The following CSMD1 variants were observed in gnomAD, a reference collection of about 807,000 sequenced individuals.
The protein encoded by CSMD1 is CUB and Sushi multiple domains 1, also known as CUB and sushi domain-containing protein 1.
In CSMD1, 213 loss-of-function variants were observed where a neutral mutation model predicts 417.5. That is an observed-to-expected ratio of 0.51 (90% confidence interval 0.46 to 0.57). The LOEUF (loss-of-function observed/expected upper bound fraction) is 0.57, where lower values mean the gene tolerates loss of function less well. Ranked by LOEUF, CSMD1 falls within the 20% of genes least tolerant of loss-of-function variation. CSMD1 has a pLI of 0.00. For synonymous variants in CSMD1, 2,862 were observed against 1,736.8 expected (o/e 1.65, Z -16.11); for missense variants, 6,923 against 4,529.7 (o/e 1.53, Z -15.17).
At chr8:4,940,307 C>G (rs1350651345) in intron 1 of CSMD1, among the ~76,000 whole-genome samples, 1 of 152,154 alleles carries the variant, frequency 6.6e-6, no homozygotes, top group Admixed American at 6.5e-5. Context: ...GATATGGCTT[C>G]AATCTGAATT....
At chr8:3,697,224 AT>A (rs1800603309) in intron 7 of CSMD1, among the ~76,000 whole-genome samples, 1 of 152,220 alleles carries the variant, frequency 6.6e-6, no homozygotes. Context: ...TCTCCAGAAA[AT>A]GGTAGTCAGT....
chr8:3,047,213 C>CAAAAAA (rs749861179), intron 50 of CSMD1, among the ~76,000 whole-genome samples: 2 of 73,094 alleles, frequency 2.7e-5, no homozygotes, highest in African/African-American at 6.9e-5. Flanking sequence ...GACTCCCTCT[C>CAAAAAA]AAAAAAAAAA....
chr8:4,040,658 A>G (rs1046035523), intron 3 of CSMD1, among the ~76,000 whole-genome samples: 2 of 152,138 alleles, frequency 1.3e-5, no homozygotes, highest in African/African-American at 2.4e-5. Context: ...ACCATAACAT[A>G]GTTTTAAAAA....
intron 3 of CSMD1, among the ~76,000 whole-genome samples, chr8:4,397,341 T>C (rs947762881): frequency 3.9e-5 from 6 of 152,176 alleles, no homozygotes; most frequent in African/African-American, 1.4e-4. Flanking sequence ...GAAGATTATC[T>C]TTCCATGAAA....
In CSMD1 at chr8:2,963,286, A is replaced by C. The variant is rs1339401644; in HGVS notation, c.9390T>G (p.Ser3130=). 6.8e-6 allele frequency: 11 copies of C among 1,613,956 alleles called. No homozygotes were observed. The highest frequency in any genetic ancestry group is 8.5e-6 in the Non-Finnish European group (10 of 1,179,874). ...CTTCACAGGAGAGGATGGCGGAGTG[A>C]GAGAGCTGGTAACCGTCCATGCAGC... is the stretch of plus-strand genomic sequence containing the variant. ...SYSCMDGYQL[S]HSAILSCEGR... is the part of the protein sequence containing the mutation. The change falls in exon 60 of 70, where the codon TCT becomes TCG. Residue 3130 remains serine (S), a synonymous_variant. Coordinates refer to ENST00000635120, the MANE Select transcript of CSMD1 (RefSeq NM_033225.6).
chr8:3,572,272 C>G (rs548171198), intron 10 of CSMD1, among the ~76,000 whole-genome samples: 35 of 152,294 alleles, frequency 2.3e-4, no homozygotes, highest in African/African-American at 7.5e-4. Context: ...GCTTTGCAAA[C>G]TCTGAGGGCA....
chr8:4,412,197 G>C (rs1486995468), intron 3 of CSMD1, among the ~76,000 whole-genome samples: 1 of 152,144 alleles, frequency 6.6e-6, no homozygotes, highest in Non-Finnish European at 1.5e-5. Flanking sequence ...CAAACCTCAT[G>C]TTAAATTGTA....
rs183242594 is a variant in CSMD1 at position 4,442,544 on chromosome 8, C to T, written c.303-22479G>A. 4.6e-3 allele frequency among the ~76,000 whole-genome samples: 703 copies of T among 152,244 alleles called. 2 individuals are homozygous for T. Among genetic ancestry groups the T allele is most frequent in the Admixed American group, 8.7e-3 (133 of 15,284 alleles). On this transcript the variant is annotated intron_variant, in intron 2 of 69. Transcript: ENST00000635120. The stretch of plus-strand genomic sequence containing the variant: ...CTGTTTACCTGAAGAACCTCTCAAA[C>T]CATATGCAACTAAAGAGATTTTATC...
chr8:4,323,809 G>A (rs1213679078), intron 3 of CSMD1, among the ~76,000 whole-genome samples: 1 of 152,140 alleles, frequency 6.6e-6, no homozygotes, highest in East Asian at 1.9e-4. Context: ...CATAAAGGAT[G>A]GGCAGCTCCT....
chr8:4,073,141 A>G (rs73187995), intron 3 of CSMD1, among the ~76,000 whole-genome samples: 16,716 of 152,194 alleles, frequency 0.11, 1,035 homozygotes, highest in Middle Eastern at 0.18. Flanking sequence ...AGAACATGAA[A>G]ACTTTTGTGA....
chr8:3,667,189 G>C (rs559987279), intron 7 of CSMD1, among the ~76,000 whole-genome samples: 92 of 152,148 alleles, frequency 6.0e-4, no homozygotes, highest in Non-Finnish European at 1.0e-3. Context: ...TAAGACAAAT[G>C]TGCAAACATT....
chr8:4,295,298 TTATC>T (rs529619929), intron 3 of CSMD1, among the ~76,000 whole-genome samples: 3 of 108,422 alleles, frequency 2.8e-5, no homozygotes, highest in East Asian at 2.5e-4. Flanking sequence ...AATCTTAAGA[TTATC>T]TATATAATCT....
intron 33 of CSMD1, among the ~76,000 whole-genome samples, chr8:3,190,996 T>G (rs139961151): frequency 1.3e-5 from 2 of 152,286 alleles, no homozygotes; most frequent in South Asian, 2.1e-4. Flanking sequence ...AACTGTTGAG[T>G]GGCTATAAAG....
At chr8:4,459,581 G>C (rs1309395521) in intron 2 of CSMD1, among the ~76,000 whole-genome samples, 2 of 152,212 alleles carry the variant, frequency 1.3e-5, no homozygotes, top group African/African-American at 4.8e-5. Flanking sequence ...CCATGGAATG[G>C]CTAGTCTAAG....
intron 1 of CSMD1, among the ~76,000 whole-genome samples, chr8:4,757,937 G>A (rs1189461831): frequency 7.2e-6 from 1 of 139,810 alleles, no homozygotes; most frequent in Non-Finnish European, 1.5e-5. Context: ...TCCATCCTGG[G>A]CAACAGAGAG....
chr8:3,661,588 C>T (rs1387047091), intron 7 of CSMD1, among the ~76,000 whole-genome samples: 1 of 152,154 alleles, frequency 6.6e-6, no homozygotes, highest in Non-Finnish European at 1.5e-5. Context: ...CCTCCACCTC[C>T]CGGGTTCAAG....
intron 10 of CSMD1, among the ~76,000 whole-genome samples, chr8:3,564,578 A>G (rs1799618011): frequency 6.9e-6 from 1 of 145,784 alleles, no homozygotes; most frequent in African/African-American, 2.5e-5. Context: ...GCAAATCAAA[A>G]GCATGGCCCT....
In CSMD1 at chr8:3,339,675, C is replaced by T. The variant is rs544354751; in HGVS notation, c.3631+3619G>A. Among the ~76,000 whole-genome samples the T allele has an allele frequency of 5.0e-4, 76 of 152,326 alleles. 1 individual carries two copies. The highest frequency in any genetic ancestry group is 4.1e-4 in the South Asian group (2 of 4,828). On this transcript the variant is annotated intron_variant, in intron 23 of 69. Transcript: ENST00000635120. Reference sequence around the variant, plus strand: ...TTCAGGTGAAACTCTTACTTCTTGCCTGATACAGCTCTGTGGACCCTCAGT... The same window carrying T: ...TTCAGGTGAAACTCTTACTTCTTGCTTGATACAGCTCTGTGGACCCTCAGT...
intron 1 of CSMD1, among the ~76,000 whole-genome samples, chr8:4,704,013 G>A (rs923248136): frequency 3.9e-5 from 6 of 152,136 alleles, no homozygotes; most frequent in Non-Finnish European, 8.8e-5. Flanking sequence ...TGCCGATGCC[G>A]ATGTGAGACG....
Sources: gnomAD v4.1 joint callset for allele counts (sites outside exome capture counted in the v4.1 genomes callset) on GRCh38, gnomAD v4.1.1 for gene constraint, MANE v1.5 for transcripts, NCBI Gene and HGNC (gene_info 2026-07-23, HGNC 2026-07-21) for gene names.